MAGI1: variants seen among roughly 807,000 people sequenced by gnomAD.
The protein encoded by MAGI1 is membrane associated guanylate kinase, WW and PDZ domain containing 1.
MAGI1 carries 58 observed loss-of-function variants against 139.9 expected under a neutral mutation model. The observed-to-expected ratio is 0.41, with a 90% confidence interval of 0.34 to 0.52. The LOEUF (loss-of-function observed/expected upper bound fraction) is 0.52. Ranked by LOEUF, MAGI1 falls within the 20% of genes least tolerant of loss-of-function variation. The pLI, the probability that MAGI1 is intolerant of heterozygous loss-of-function variation, is 0.12. For synonymous variants in MAGI1, 812 were observed against 737.9 expected (o/e 1.10, Z -1.63); for missense variants, 1,874 against 1,901.6 (o/e 0.99, Z 0.27).
chr3:65,696,368 C>T (rs550100696), intron 1 of MAGI1, among the ~76,000 whole-genome samples: 1 of 152,176 alleles, frequency 6.6e-6, no homozygotes, highest in South Asian at 2.1e-4. Context: ...CCCTTTGTAG[C>T]CTCCCCATCC....
chr3:65,928,912 T>C (rs2062657133), intron 1 of MAGI1, among the ~76,000 whole-genome samples: 1 of 151,994 alleles, frequency 6.6e-6, no homozygotes, highest in South Asian at 2.1e-4. Flanking sequence ...AAAAATGCAA[T>C]TAGCATGAGT....
Position 65,375,694 on chromosome 3 carries a change from CAGAGAGAGAGAAAAAGAGAGAG to C in MAGI1, c.3196+29_3196+50del, listed in dbSNP as rs764586620. 4 of 1,390,488 alleles carry C rather than the reference CAGAGAGAGAGAAAAAGAGAGAG, an allele frequency of 2.9e-6. No individual in the cohort carries two copies. In the South Asian group the frequency reaches 4.8e-5, roughly 17 times the overall value. 86.1% of individuals were successfully genotyped at this position (1,390,488 alleles called of 1,614,324 possible). ...GAAAGAGAAAAGGAAAAGACAGAGA[CAGAGAGAGAGAAAAAGAGAGAG>C]AGAGAGAGAGATAATAGGTATACTT... On this transcript the variant is annotated intron_variant, in intron 18 of 22. Coordinates refer to ENST00000402939, the MANE Select transcript of MAGI1 (RefSeq NM_001033057.2).
chr3:66,029,883 C>T (rs1427397352), intron 1 of MAGI1, among the ~76,000 whole-genome samples: 2 of 152,204 alleles, frequency 1.3e-5, no homozygotes, highest in African/African-American at 2.4e-5. Flanking sequence ...CATGGTGACT[C>T]TAGTAGCCTC....
At chr3:65,834,292 A>T (rs1257210709) in intron 1 of MAGI1, among the ~76,000 whole-genome samples, 1 of 152,262 alleles carries the variant, frequency 6.6e-6, no homozygotes, top group African/African-American at 2.4e-5. Context: ...TGAATCATCC[A>T]GGAGAAAAAT....
At chr3:65,841,408 T>TTTTTG (rs1407088822) in intron 1 of MAGI1, among the ~76,000 whole-genome samples, 31 of 151,272 alleles carry the variant, frequency 2.0e-4, no homozygotes, top group African/African-American at 7.0e-4. Flanking sequence ...TTTCTTTGTT[T>TTTTTG]TTTTGTTTTG....
rs2038602743 is a variant in MAGI1, at chr3:65,777,942, G to A, written c.314-155854C>T. 2.0e-5 allele frequency among the ~76,000 whole-genome samples: 3 copies of A among 152,258 alleles called. No individual in the cohort carries two copies. In the South Asian group the frequency reaches 6.2e-4, roughly 32 times the overall value. ...CTAACACTACTATAGTTCTATTAGA[G>A]AGTGTGGTAAATCATGATTAAATAG... On this transcript the variant is annotated intron_variant, in intron 1 of 22. Coordinates refer to ENST00000402939, the MANE Select transcript of MAGI1 (RefSeq NM_001033057.2).
Position 65,917,924 on chromosome 3 carries a change from T to C in MAGI1, c.313+120072A>G, listed in dbSNP as rs567500857. On this transcript the variant is annotated intron_variant, in intron 1 of 22. Coordinates refer to ENST00000402939, the MANE Select transcript of MAGI1 (RefSeq NM_001033057.2). The stretch of plus-strand genomic sequence containing the variant: ...ATGAACCCTAATGTAAACTAAGGTC[T>C]TTGGGTGATAATGATGTGTCAATGT... Among the ~76,000 whole-genome samples, 3 of 152,278 alleles carry C rather than the reference T, an allele frequency of 2.0e-5. No individual in the cohort carries two copies. The East Asian group carries it at 5.8e-4, about 29-fold the overall frequency.
chr3:65,750,483 T>A (rs78681470), intron 1 of MAGI1, among the ~76,000 whole-genome samples: 1 of 152,180 alleles, frequency 6.6e-6, no homozygotes, highest in Admixed American at 6.5e-5. Context: ...CCTAACAATA[T>A]AGTTACTCTA....
intron 1 of MAGI1, among the ~76,000 whole-genome samples, chr3:65,857,719 T>G (rs1025287598): frequency 6.6e-6 from 1 of 152,166 alleles, no homozygotes; most frequent in African/African-American, 2.4e-5. Context: ...TTAAAACTGC[T>G]ATGTACTAGG....
At chr3:65,567,361 C>T (rs758568106) in intron 2 of MAGI1, among the ~76,000 whole-genome samples, 51 of 151,922 alleles carry the variant, frequency 3.4e-4, no homozygotes, top group Non-Finnish European at 6.6e-4. Flanking sequence ...GGAATGACCC[C>T]CACTGACCAT....
chr3:65,858,636 G>A lies in MAGI1; in HGVS notation c.313+179360C>T, dbSNP rs534053304. 6.1e-4 allele frequency among the ~76,000 whole-genome samples: 93 copies of A among 152,158 alleles called. 2 individuals carry two copies. In the South Asian group the frequency reaches 0.016, roughly 26 times the overall value. ...GATCTAATTATGAATATCTATCTTTGGAGAAGAGGAAAGGAGGAGGAAGAT... is the reference window on the plus strand; with the variant it reads ...GATCTAATTATGAATATCTATCTTTAGAGAAGAGGAAAGGAGGAGGAAGAT... On this transcript the variant is annotated intron_variant, in intron 1 of 22. Coordinates refer to ENST00000402939, the MANE Select transcript of MAGI1 (RefSeq NM_001033057.2).
At chr3:65,646,888 A>C (rs1279022027) in intron 1 of MAGI1, among the ~76,000 whole-genome samples, 1 of 152,116 alleles carries the variant, frequency 6.6e-6, no homozygotes, top group Admixed American at 6.6e-5. Context: ...ATTACACGTA[A>C]AGCAGTGCTA....
At chr3:65,508,674 C>T (rs1408338174) in intron 2 of MAGI1, among the ~76,000 whole-genome samples, 1 of 152,024 alleles carries the variant, frequency 6.6e-6, no homozygotes, top group African/African-American at 2.4e-5. Flanking sequence ...CAATGTGAGT[C>T]CAGATACAAT....
intron 2 of MAGI1, among the ~76,000 whole-genome samples, chr3:65,534,268 G>A (rs754213303): frequency 3.3e-5 from 5 of 152,116 alleles, no homozygotes; most frequent in Admixed American, 3.3e-4. Flanking sequence ...GATCATTTGA[G>A]TCCAGGAATT....
intron 1 of MAGI1, among the ~76,000 whole-genome samples, chr3:65,880,383 C>T (rs765792058): frequency 6.6e-5 from 10 of 152,106 alleles, no homozygotes; most frequent in African/African-American, 1.9e-4. Context: ...TGACCCTTAG[C>T]GCATGTCACT....
At chr3:65,665,914 T>C (rs1055671054) in intron 1 of MAGI1, among the ~76,000 whole-genome samples, 1 of 152,226 alleles carries the variant, frequency 6.6e-6, no homozygotes, top group Non-Finnish European at 1.5e-5. Context: ...GATAAATCTG[T>C]ATACCATAGA....
chr3:65,643,428 A>G (rs926460307), intron 1 of MAGI1, among the ~76,000 whole-genome samples: 3 of 152,136 alleles, frequency 2.0e-5, no homozygotes, highest in Non-Finnish European at 4.4e-5. Flanking sequence ...TTCTGTAAAG[A>G]TAGGGCAGAC....
At chr3:65,794,360 G>A (rs2039983452) in intron 1 of MAGI1, among the ~76,000 whole-genome samples, 1 of 152,150 alleles carries the variant, frequency 6.6e-6, no homozygotes, top group African/African-American at 2.4e-5. Context: ...TTGCTGCTAA[G>A]GCATTTGGTC....
At chr3:65,359,784 T>G in intron 22 of MAGI1, 1 of 985,756 alleles carries the variant, frequency 1.0e-6, no homozygotes, top group African/African-American at 1.7e-5. Flanking sequence ...AAAGAACATT[T>G]GTTAGTGTTG....
Sources: allele counts gnomAD v4.1 joint callset (sites outside exome capture counted in the v4.1 genomes callset), GRCh38; gene constraint gnomAD v4.1.1; transcripts MANE v1.5; gene names NCBI Gene and HGNC (gene_info 2026-07-23, HGNC 2026-07-21).